PRSS38: variants seen among roughly 807,000 people sequenced by gnomAD.
The protein encoded by PRSS38 is serine protease 38.
Under a neutral mutation model 26.8 loss-of-function variants are expected in PRSS38, and 22 were observed. The ratio of observed to expected loss-of-function variants is 0.82; its 90% confidence interval spans 0.59 to 1.17. The LOEUF (loss-of-function observed/expected upper bound fraction) is 1.17, where lower values mean the gene tolerates loss of function less well. Among genes scored for constraint, PRSS38 ranks in the 50% most tolerant of loss-of-function variants. PRSS38 has a pLI of 0.00. For missense variants in PRSS38, 427 were observed against 422.7 expected (o/e 1.01, Z -0.09); for synonymous variants, 175 against 172.1 (o/e 1.02, Z -0.13).
intron 3 of PRSS38, among the ~76,000 whole-genome samples, chr1:227,840,708 T>C (rs2102685039): frequency 6.6e-6 from 1 of 152,316 alleles, no homozygotes; most frequent in East Asian, 1.9e-4. Context: ...GTTTGAAAAT[T>C]GGCATCTTCT....
Position 227,816,082 on chromosome 1 carries a change from C to T in PRSS38, c.149-8C>T, listed in dbSNP as rs746719606. ...ATGGCTCCACCGTCAGCTCCGTTCT[C>T]CCTGCAGCCTGTGGTCGGCCCAGCA... is the stretch of plus-strand genomic sequence containing the variant. On this transcript the variant is annotated splice_polypyrimidine_tract_variant and splice_region_variant and intron_variant, in intron 1 of 4. Coordinates refer to ENST00000366757, the Ensembl canonical transcript of PRSS38. This position sits in a 1 kb window ranked among gnomAD's most constrained non-coding sequence, Gnocchi z 5.1. The T allele has an allele frequency of 6.8e-6, 11 of 1,610,172 alleles. No individual in the cohort carries two copies. The African/African-American group carries it at 8.0e-5, about 12-fold the overall frequency.
Position 227,816,032 on chromosome 1 carries a change from G to T in PRSS38, c.149-58G>T. On this transcript the variant is annotated intron_variant, in intron 1 of 4. Transcript: ENST00000366757. This position sits in a 1 kb window ranked among gnomAD's most constrained non-coding sequence, Gnocchi z 5.1. ...TGCCCCTCCCCCACGTCCCCTGCCT[G>T]CCCTACCTCTCCCGTGGCCCCAGCA... 1 of 1,551,424 alleles carries T rather than the reference G, an allele frequency of 6.4e-7. No homozygotes were observed. The highest frequency in any genetic ancestry group is 1.2e-5 in the South Asian group (1 of 83,472).
At chr1:227,818,564 G>A (rs1032048831) in intron 3 of PRSS38, among the ~76,000 whole-genome samples, 1 of 150,018 alleles carries the variant, frequency 6.7e-6, no homozygotes, top group African/African-American at 2.5e-5. Context: ...TGTAGTCCCA[G>A]CTACTCAGGA....
intron 3 of PRSS38, among the ~76,000 whole-genome samples, chr1:227,826,062 A>T (rs1164684711): frequency 6.6e-6 from 1 of 152,080 alleles, no homozygotes; most frequent in Admixed American, 6.6e-5. Flanking sequence ...TTCTTTGAGC[A>T]GTGGTTTGTA....
At chr1:227,831,393 A>G (rs1010949321) in intron 3 of PRSS38, among the ~76,000 whole-genome samples, 1 of 152,120 alleles carries the variant, frequency 6.6e-6, no homozygotes, top group African/African-American at 2.4e-5. Context: ...ATAATTTTAC[A>G]CTTTTTGAAC....
Position 227,816,814 on chromosome 1 carries a change from C to G in PRSS38, c.312-395C>G, listed in dbSNP as rs531626475. Among the ~76,000 whole-genome samples the G allele has an allele frequency of 1.4e-4, 21 of 152,372 alleles. No individual in the cohort carries two copies. In the East Asian group the frequency reaches 3.9e-3, roughly 28 times the overall value. Reference sequence around the variant, plus strand: ...CTCATAAGCAAGGCTGGTCTCTAAGCACCTGGCCTTCCCGATTGCTCCTCC... The same window carrying G: ...CTCATAAGCAAGGCTGGTCTCTAAGGACCTGGCCTTCCCGATTGCTCCTCC... On this transcript the variant is annotated intron_variant, in intron 2 of 4. Transcript: ENST00000366757. This position sits in a 1 kb window ranked among gnomAD's most constrained non-coding sequence, Gnocchi z 5.1.
intron 3 of PRSS38, among the ~76,000 whole-genome samples, chr1:227,836,008 C>G (rs982672947): frequency 6.6e-6 from 1 of 152,074 alleles, no homozygotes; most frequent in Admixed American, 6.5e-5. Context: ...GAGTCCGTGG[C>G]AGGACGATAG....
intron 3 of PRSS38, among the ~76,000 whole-genome samples, chr1:227,838,859 A>T (rs1000789939): frequency 3.3e-5 from 5 of 152,166 alleles, no homozygotes; most frequent in African/African-American, 7.2e-5. Flanking sequence ...ATTTTATTTT[A>T]AAAAATTCAG....
In PRSS38 at chr1:227,838,884, T is replaced by C. The variant is rs552634816; in HGVS notation, c.584-6586T>C. The stretch of plus-strand genomic sequence containing the variant: ...AAAAAATTCAGCTAGGGCCTTACTA[T>C]GTTGCCCAGGCCCAGGTCTCGAGCT... On this transcript the variant is annotated intron_variant, in intron 3 of 4. Coordinates refer to ENST00000366757, the Ensembl canonical transcript of PRSS38. Among the ~76,000 whole-genome samples the C allele has an allele frequency of 1.2e-4, 18 of 152,324 alleles. No individual in the cohort carries two copies. The East Asian group carries it at 2.7e-3, about 23-fold the overall frequency.
At chr1:227,830,205 A>G (rs963298351) in intron 3 of PRSS38, among the ~76,000 whole-genome samples, 1 of 152,038 alleles carries the variant, frequency 6.6e-6, no homozygotes, top group Non-Finnish European at 1.5e-5. Context: ...TTTGTTAAAG[A>G]TTTTTGCAAC....
At chr1:227,833,645 G>A (rs1174379111) in intron 3 of PRSS38, among the ~76,000 whole-genome samples, 2 of 152,168 alleles carry the variant, frequency 1.3e-5, no homozygotes, top group African/African-American at 4.8e-5. Flanking sequence ...CCAATGGAAT[G>A]GAATTGAGAG....
chr1:227,834,938 T>C (rs1665217539), intron 3 of PRSS38, among the ~76,000 whole-genome samples: 2 of 152,316 alleles, frequency 1.3e-5, no homozygotes, highest in Non-Finnish European at 2.9e-5. Flanking sequence ...AAATTATGAA[T>C]TGATAAAAGC....
rs146787678 is a variant in PRSS38, at chr1:227,836,202, G to A, written c.584-9268G>A. 5.6e-3 allele frequency among the ~76,000 whole-genome samples: 856 copies of A among 151,974 alleles called. 10 individuals carry two copies. Among genetic ancestry groups the A allele is most frequent in the African/African-American group, 0.02 (825 of 41,434 alleles). Reference sequence around the variant, plus strand: ...CAGCCTCAACCTCCTAGGCTCCAGCGATCCTTCTTCCTCAGCCTCCTGAGT... The same window carrying A: ...CAGCCTCAACCTCCTAGGCTCCAGCAATCCTTCTTCCTCAGCCTCCTGAGT... On this transcript the variant is annotated intron_variant, in intron 3 of 4. Transcript: ENST00000366757.
chr1:227,844,328 C>T (rs1166814417), intron 3 of PRSS38, among the ~76,000 whole-genome samples: 1 of 152,080 alleles, frequency 6.6e-6, no homozygotes, highest in East Asian at 1.9e-4. Flanking sequence ...GCTTCCTCCC[C>T]TACCCCCCAT....
intron 3 of PRSS38, among the ~76,000 whole-genome samples, chr1:227,830,922 T>A (rs567611472): frequency 1.3e-5 from 2 of 152,284 alleles, no homozygotes; most frequent in South Asian, 4.1e-4. Context: ...TGGCATCTTC[T>A]CTATTTTTAT....
intron 3 of PRSS38, among the ~76,000 whole-genome samples, chr1:227,826,745 C>T (rs1280772128): frequency 2.6e-5 from 4 of 151,728 alleles, no homozygotes; most frequent in Non-Finnish European, 5.9e-5. Context: ...TGAGAGAGGG[C>T]ATTCTCTTGT....
chr1:227,842,467 G>A (rs1288658593), intron 3 of PRSS38, among the ~76,000 whole-genome samples: 1 of 152,134 alleles, frequency 6.6e-6, no homozygotes, highest in Non-Finnish European at 1.5e-5. Flanking sequence ...GTGTTTGCTT[G>A]CTTATAATAA....
chr1:227,835,970 G>T (rs1408658817), intron 3 of PRSS38, among the ~76,000 whole-genome samples: 3 of 152,128 alleles, frequency 2.0e-5, no homozygotes, highest in Non-Finnish European at 2.9e-5. Context: ...AGGTGTGGTG[G>T]CTCATGCTTG....
chr1:227,839,126 T>C (rs1665279102), intron 3 of PRSS38, among the ~76,000 whole-genome samples: 1 of 152,184 alleles, frequency 6.6e-6, no homozygotes, highest in African/African-American at 2.4e-5. Context: ...AGGAAGTCAG[T>C]GTTGCCTGAA....
Sources: gnomAD v4.1 joint callset for allele counts (sites outside exome capture counted in the v4.1 genomes callset) on GRCh38, gnomAD v4.1.1 for gene constraint, Gnocchi (gnomAD v3.1) non-coding constraint, MANE v1.5 for transcripts, NCBI Gene and HGNC (gene_info 2026-07-23, HGNC 2026-07-21) for gene names.